CYP7B1: variants seen among roughly 807,000 people sequenced by gnomAD.
The protein encoded by CYP7B1 is cytochrome P450 family 7 subfamily B member 1, also known as cytochrome P450 7B1.
In CYP7B1, 29 loss-of-function variants were observed where a neutral mutation model predicts 42.7. The observed-to-expected ratio is 0.68, with a 90% CI of 0.51 to 0.93. The LOEUF is 0.93. Ranked by LOEUF, CYP7B1 falls within the 40% of genes least tolerant of loss-of-function variation. CYP7B1 has a pLI of 0.00. For synonymous variants in CYP7B1, 235 were observed against 218.2 expected (o/e 1.08, Z -0.68); for missense variants, 655 against 600.5 (o/e 1.09, Z -0.95).
At chr8:64,746,304 G>A (rs1807642236) in intron 1 of CYP7B1, among the ~76,000 whole-genome samples, 2 of 152,100 alleles carry the variant, frequency 1.3e-5, no homozygotes, top group Non-Finnish European at 2.9e-5. Flanking sequence ...TTAAAGGCAA[G>A]CCTTAAGGTT....
chr8:64,725,312 T>G (rs757055409), intron 1 of CYP7B1, among the ~76,000 whole-genome samples: 37 of 152,344 alleles, frequency 2.4e-4, no homozygotes, highest in Admixed American at 1.4e-3. Context: ...GCCATGACCC[T>G]TATTGTGAGA....
chr8:64,588,406 T>C (rs1804996074), downstream of CYP7B1, among the ~76,000 whole-genome samples: 1 of 152,240 alleles, frequency 6.6e-6, no homozygotes, highest in African/African-American at 2.4e-5. Context: ...ATTTAAAGGA[T>C]CCGTTATTTA....
intron 1 of CYP7B1, among the ~76,000 whole-genome samples, chr8:64,738,104 T>C (rs1807516834): frequency 6.6e-6 from 1 of 152,218 alleles, no homozygotes; most frequent in Non-Finnish European, 1.5e-5. Context: ...TATGTAAAAG[T>C]AAAGCTGTAA....
At chr8:64,776,582 A>G (rs971301077) in intron 1 of CYP7B1, among the ~76,000 whole-genome samples, 4 of 152,260 alleles carry the variant, frequency 2.6e-5, no homozygotes, top group Admixed American at 1.3e-4. Flanking sequence ...GAAACTAATA[A>G]ACATGAAATG....
intron 1 of CYP7B1, among the ~76,000 whole-genome samples, chr8:64,714,572 C>T (rs962916111): frequency 6.6e-6 from 1 of 152,162 alleles, no homozygotes; most frequent in Non-Finnish European, 1.5e-5. Context: ...CACATGTAGC[C>T]CTGCTTGTCC....
chr8:64,658,651 T>A (rs766775470), intron 1 of CYP7B1, among the ~76,000 whole-genome samples: 2 of 152,112 alleles, frequency 1.3e-5, no homozygotes, highest in Non-Finnish European at 2.9e-5. Context: ...CCCTGGTAAG[T>A]CTTCATCTTT....
rs540213291 is a variant in CYP7B1 at position 64,647,838 on chromosome 8, C to T, written c.123-23299G>A. Reference sequence around the variant, plus strand: ...AGTGCTAAGCTCATCCAGGAACACCCTTACAGACACACCCAGAAATAATAT... The same window carrying T: ...AGTGCTAAGCTCATCCAGGAACACCTTTACAGACACACCCAGAAATAATAT... On this transcript the variant is annotated intron_variant, in intron 1 of 5. Coordinates refer to ENST00000310193, the MANE Select transcript of CYP7B1 (RefSeq NM_004820.5). Among the ~76,000 whole-genome samples, 7 of 152,240 alleles carry T rather than the reference C, an allele frequency of 4.6e-5. No homozygotes were observed. The South Asian group carries it at 1.0e-3, about 23-fold the overall frequency.
At chr8:64,678,356 C>T (rs1170496322) in intron 1 of CYP7B1, among the ~76,000 whole-genome samples, 2 of 152,042 alleles carry the variant, frequency 1.3e-5, no homozygotes, top group African/African-American at 4.8e-5. Flanking sequence ...CTTAGAGAGG[C>T]ATATAGGGTT....
At chr8:64,682,514 A>AC (rs1171341198) in intron 1 of CYP7B1, among the ~76,000 whole-genome samples, 5 of 152,184 alleles carry the variant, frequency 3.3e-5, no homozygotes, top group Non-Finnish European at 7.3e-5. Context: ...TAGGCCTGAG[A>AC]CAAGCTTATT....
At chr8:64,729,180 A>C (rs995517823) in intron 1 of CYP7B1, among the ~76,000 whole-genome samples, 1 of 152,226 alleles carries the variant, frequency 6.6e-6, no homozygotes, top group Non-Finnish European at 1.5e-5. Flanking sequence ...TAAGAAAATC[A>C]GAGAAGCTCT....
At chr8:64,659,785 G>C (rs1238387763) in intron 1 of CYP7B1, among the ~76,000 whole-genome samples, 2 of 152,170 alleles carry the variant, frequency 1.3e-5, no homozygotes, top group African/African-American at 2.4e-5. Flanking sequence ...CTGAGTTTCT[G>C]AGTTGAGGTA....
intron 4 of CYP7B1, among the ~76,000 whole-genome samples, chr8:64,607,128 T>C (rs1010212320): frequency 1.3e-5 from 2 of 152,148 alleles, no homozygotes. Flanking sequence ...CAAGGCAATT[T>C]AAAACATACC....
chr8:64,740,740 T>G (rs1283537594), intron 1 of CYP7B1, among the ~76,000 whole-genome samples: 1 of 152,016 alleles, frequency 6.6e-6, no homozygotes, highest in African/African-American at 2.4e-5. Context: ...GCCCACAAAT[T>G]TCACAACTTA....
intron 5 of CYP7B1, among the ~76,000 whole-genome samples, chr8:64,599,333 C>T (rs936261206): frequency 2.6e-5 from 4 of 151,998 alleles, no homozygotes; most frequent in African/African-American, 7.2e-5. Context: ...GGACTACAGG[C>T]GCCCACCACC....
chr8:64,702,952 G>A (rs1393232012), intron 1 of CYP7B1, among the ~76,000 whole-genome samples: 3 of 151,944 alleles, frequency 2.0e-5, no homozygotes, highest in South Asian at 4.1e-4. Context: ...GGAGCAATAC[G>A]TTTCAATCAA....
At chr8:64,614,990 AC>A (rs1805412105) in intron 4 of CYP7B1, 35 bp downstream of exon 4, 1 of 1,607,638 alleles carries the variant, frequency 6.2e-7, no homozygotes, top group South Asian at 1.1e-5. Flanking sequence ...GCAGAGAGGT[AC>A]CTTCTTTTCT....
intron 1 of CYP7B1, among the ~76,000 whole-genome samples, chr8:64,763,950 AC>A (rs1413096142): frequency 1.3e-5 from 2 of 152,148 alleles, no homozygotes; most frequent in African/African-American, 4.8e-5. Context: ...CCTCCTAGGT[AC>A]TAATGGTTCA....
At chr8:64,730,739 C>T (rs1326558347) in intron 1 of CYP7B1, among the ~76,000 whole-genome samples, 1 of 131,618 alleles carries the variant, frequency 7.6e-6, no homozygotes, top group Non-Finnish European at 1.5e-5. Context: ...CCCTGTGAAG[C>T]AAGGACTGTC....
intron 1 of CYP7B1, among the ~76,000 whole-genome samples, chr8:64,686,723 G>A (rs1406092571): frequency 5.3e-5 from 4 of 75,880 alleles, no homozygotes; most frequent in Non-Finnish European, 1.1e-4. Flanking sequence ...GAAATCGGAT[G>A]GTTGCCCTGT....
Sources: allele counts gnomAD v4.1 joint callset (sites outside exome capture counted in the v4.1 genomes callset), GRCh38; gene constraint gnomAD v4.1.1; transcripts MANE v1.5; gene names NCBI Gene and HGNC (gene_info 2026-07-23, HGNC 2026-07-21).